Variants in RNF128 observed in about 807,000 individuals in gnomAD.
RNF128 encodes ring finger protein 128, also known as E3 ubiquitin-protein ligase RNF128.
Under a neutral mutation model 26.2 loss-of-function variants are expected in RNF128, and 13 were observed. The observed-to-expected ratio is 0.50, with a 90% CI of 0.32 to 0.79. The LOEUF is 0.79. RNF128 is among the 30% of genes least tolerant of loss of function. RNF128 has a pLI of 0.03. For synonymous variants in RNF128, 149 were observed against 142.5 expected (o/e 1.05, Z -0.32); for missense variants, 315 against 349.7 (o/e 0.90, Z 0.79).
intron 1 of RNF128, among the ~76,000 whole-genome samples, chrX:106,753,112 G>A (rs1287455898): frequency 9.0e-6 from 1 of 111,411 alleles, no homozygotes; most frequent in Non-Finnish European, 1.9e-5. Flanking sequence ...GCCTTAAAGA[G>A]GTGGTAGAGA....
chrX:106,789,234 G>C (rs752129514), intron 4 of RNF128, among the ~76,000 whole-genome samples: 63 of 93,293 alleles, frequency 6.8e-4, no homozygotes, highest in Non-Finnish European at 1.2e-3. Context: ...TCCAACTAAG[G>C]AGTGAACACT....
chrX:106,744,492 T>A (rs968715245), intron 1 of RNF128, among the ~76,000 whole-genome samples: 8 of 111,304 alleles, frequency 7.2e-5, no homozygotes, highest in African/African-American at 2.3e-4. Context: ...ATATATATAT[T>A]GAGATGGAGT....
intron 1 of RNF128, among the ~76,000 whole-genome samples, chrX:106,760,320 C>A (rs1452188946): frequency 9.0e-6 from 1 of 111,176 alleles, no homozygotes; most frequent in Non-Finnish European, 1.9e-5. Flanking sequence ...TTACAATGGG[C>A]AAAAGACCTG....
At chrX:106,697,997 A>G (rs886351244) in intron 1 of RNF128, among the ~76,000 whole-genome samples, 9 of 107,646 alleles carry the variant, frequency 8.4e-5, no homozygotes, top group Non-Finnish European at 1.5e-4. Flanking sequence ...TTGACTCGGC[A>G]TTTTGATGAG....
chrX:106,766,228 C>T (rs1930235223), intron 1 of RNF128, among the ~76,000 whole-genome samples: 2 of 111,745 alleles, frequency 1.8e-5, no homozygotes, highest in South Asian at 7.6e-4. Flanking sequence ...TGGGTATATG[C>T]CCAGTAATGG....
intron 1 of RNF128, among the ~76,000 whole-genome samples, chrX:106,712,392 A>G (rs1256829837): frequency 8.9e-6 from 1 of 112,433 alleles, no homozygotes; most frequent in Non-Finnish European, 1.9e-5. Context: ...TAATTTTAAG[A>G]TCTCAAGAAG....
At chrX:106,789,961 A>AT (rs905998084) in intron 4 of RNF128, among the ~76,000 whole-genome samples, 6 of 108,940 alleles carry the variant, frequency 5.5e-5, no homozygotes, top group South Asian at 3.9e-4. Context: ...TACTGAAAAT[A>AT]TTTTTTTTTG....
chrX:106,703,614 C>G (rs1478325280), intron 1 of RNF128, among the ~76,000 whole-genome samples: 2 of 111,157 alleles, frequency 1.8e-5, no homozygotes, highest in Admixed American at 9.6e-5. Context: ...TCATTGCCCT[C>G]AAGGAGGGAA....
At chrX:106,770,208 T>C (rs1930345124) in intron 1 of RNF128, among the ~76,000 whole-genome samples, 1 of 111,736 alleles carries the variant, frequency 8.9e-6, no homozygotes, top group Admixed American at 9.5e-5. Flanking sequence ...TTGGTGAATC[T>C]GACAATTATG....
chrX:106,772,582 T>C (rs1930392558), intron 1 of RNF128, among the ~76,000 whole-genome samples: 1 of 111,502 alleles, frequency 9.0e-6, no homozygotes, highest in African/African-American at 3.3e-5. Context: ...GGACTATTTG[T>C]CTTTAAGCAA....
chrX:106,790,705 A>G (rs1050721295), intron 5 of RNF128, among the ~76,000 whole-genome samples: 37 of 111,345 alleles, frequency 3.3e-4, no homozygotes, highest in African/African-American at 1.1e-3. Flanking sequence ...ATCGAGCTCA[A>G]ATCTTGACTT....
chrX:106,747,400 GA>G (rs1226511888), intron 1 of RNF128, among the ~76,000 whole-genome samples: 1 of 111,241 alleles, frequency 9.0e-6, no homozygotes, highest in Non-Finnish European at 1.9e-5. Context: ...TTTTCTTTGG[GA>G]TGAGCGCTAT....
At chrX:106,763,241 A>G (rs1930148293) in intron 1 of RNF128, among the ~76,000 whole-genome samples, 2 of 110,473 alleles carry the variant, frequency 1.8e-5, no homozygotes, top group Admixed American at 9.7e-5. Flanking sequence ...AGAAATTATG[A>G]GGGTCTATAT....
intron 1 of RNF128, among the ~76,000 whole-genome samples, chrX:106,765,826 TCG>T (rs1378879424): frequency 1.1e-4 from 12 of 110,683 alleles, no homozygotes; most frequent in Non-Finnish European, 2.1e-4. Context: ...ATTAACTAAC[TCG>T]TCATTTATAT....
intron 1 of RNF128, among the ~76,000 whole-genome samples, chrX:106,709,676 A>G (rs1929094113): frequency 9.0e-6 from 1 of 110,706 alleles, no homozygotes; most frequent in Non-Finnish European, 1.9e-5. Flanking sequence ...CCTCCCGAGT[A>G]GCTGGGATTA....
At chrX:106,731,263 G>A (rs941839822) in intron 1 of RNF128, among the ~76,000 whole-genome samples, 11 of 111,535 alleles carry the variant, frequency 9.9e-5, no homozygotes, top group South Asian at 3.8e-4. Flanking sequence ...CTTTAGGTAC[G>A]GAGGGTAGAC....
intron 1 of RNF128, among the ~76,000 whole-genome samples, chrX:106,741,958 T>A (rs1386671512): frequency 8.9e-6 from 1 of 111,929 alleles, no homozygotes; most frequent in Non-Finnish European, 1.9e-5. Context: ...GGTTCAATTT[T>A]ATTCCGTAGG....
At chrX:106,757,988 A>G (rs1270494544) in intron 1 of RNF128, among the ~76,000 whole-genome samples, 1 of 112,208 alleles carries the variant, frequency 8.9e-6, no homozygotes, top group Non-Finnish European at 1.9e-5. Flanking sequence ...GAAAGGAAAA[A>G]GTCAAATTAT....
intron 1 of RNF128, among the ~76,000 whole-genome samples, chrX:106,716,316 A>G (rs1301244162): frequency 8.9e-6 from 1 of 111,891 alleles, no homozygotes; most frequent in Non-Finnish European, 1.9e-5. Flanking sequence ...ATGAATCTCA[A>G]CTGCATTTTG....
Sources: allele counts gnomAD v4.1 joint callset (sites outside exome capture counted in the v4.1 genomes callset), GRCh38; gene constraint gnomAD v4.1.1; transcripts MANE v1.5; gene names NCBI Gene and HGNC (gene_info 2026-07-23, HGNC 2026-07-21).